TRPM3: variants seen among roughly 807,000 people sequenced by gnomAD.
TRPM3 encodes transient receptor potential cation channel subfamily M member 3.
A neutral mutation model predicts 181.2 loss-of-function variants in TRPM3; 77 were observed. That is an observed-to-expected ratio of 0.42 (90% confidence interval 0.35 to 0.51). TRPM3 has a LOEUF of 0.51. TRPM3 is among the 20% of genes least tolerant of loss of function. The pLI, the probability that TRPM3 is intolerant of heterozygous loss-of-function variation, is 0.01. For missense variants in TRPM3, 1,759 were observed against 2,196.7 expected (o/e 0.80, Z 3.98); for synonymous variants, 745 against 796.4 (o/e 0.94, Z 1.09).
chr9:71,375,526 A>C (rs780255804), intron 1 of TRPM3, among the ~76,000 whole-genome samples: 14 of 152,182 alleles, frequency 9.2e-5, no homozygotes, highest in Non-Finnish European at 1.9e-4. Context: ...TGACAAATAG[A>C]ATCTAATTAA....
At chr9:71,047,840 A>G (rs868035526) in intron 1 of TRPM3, among the ~76,000 whole-genome samples, 1 of 123,104 alleles carries the variant, frequency 8.1e-6, no homozygotes. Flanking sequence ...ACACACACAC[A>G]CACACACACA....
intron 1 of TRPM3, among the ~76,000 whole-genome samples, chr9:71,027,690 T>A (rs1244381365): frequency 6.6e-6 from 1 of 152,074 alleles, no homozygotes; most frequent in Non-Finnish European, 1.5e-5. Flanking sequence ...AGCAGCAGAA[T>A]AGACCAAGCT....
In TRPM3 at chr9:70,863,196, T is replaced by C. The variant is rs147882857; in HGVS notation, c.258-84A>G. The C allele has an allele frequency of 4.1e-4, 481 of 1,185,538 alleles. 1 individual carries two copies. In the African/African-American group the frequency reaches 6.4e-3, roughly 16 times the overall value. The allele number at this position is 1,185,538 out of a possible 1,614,324, so 73.4% of individuals were successfully genotyped here. A position where few individuals can be genotyped will look rare whatever the true frequency, so the allele number is the denominator to read the frequency against. On this transcript the variant is annotated intron_variant, in intron 2 of 25. Transcript: ENST00000677713. ...TAAGGCAACCAGCTGGAGAAATCTA[T>C]AGTCTGTGCCAACACCTGTCAGTCA...
chr9:71,047,888 T>A (rs1430235850), intron 1 of TRPM3, among the ~76,000 whole-genome samples: 1 of 151,182 alleles, frequency 6.6e-6, no homozygotes, highest in Non-Finnish European at 1.5e-5. Flanking sequence ...AAAAACGGTA[T>A]GGTAAGAGCA....
rs761581875 is a variant in TRPM3, at chr9:70,536,589, A to G, written c.4524T>C (p.Ile1508=). ...WDSEPPMYHT[I]ERSKSSRYLA... is the part of the protein sequence containing the mutation. The stretch of plus-strand genomic sequence containing the variant: ...GGTAGCGGCTACTTTTGGAACGCTC[A>G]ATGGTGTGGTACATCGGAGGCTCTG... The change falls in exon 26 of 26, where the codon ATT becomes ATC. Residue 1508 remains isoleucine, a synonymous_variant. Transcript: ENST00000677713. The G allele has an allele frequency of 3.1e-6, 5 of 1,614,006 alleles. No individual in the cohort carries two copies. In the Admixed American group the frequency reaches 5.0e-5, roughly 16 times the overall value.
chr9:71,223,663 G>C (rs1424009299), intron 1 of TRPM3, among the ~76,000 whole-genome samples: 1 of 152,192 alleles, frequency 6.6e-6, no homozygotes, highest in Non-Finnish European at 1.5e-5. Context: ...CTGGGCCAGA[G>C]GGGAGCCCAC....
chr9:71,055,923 G>A (rs1314089444), intron 1 of TRPM3, among the ~76,000 whole-genome samples: 1 of 151,892 alleles, frequency 6.6e-6, no homozygotes, highest in Admixed American at 6.6e-5. Flanking sequence ...CATATAGTCT[G>A]TATACAAATA....
intron 1 of TRPM3, among the ~76,000 whole-genome samples, chr9:71,028,152 G>A (rs1283557208): frequency 6.6e-6 from 1 of 152,122 alleles, no homozygotes; most frequent in Non-Finnish European, 1.5e-5. Flanking sequence ...GAGACTGGGG[G>A]CCTATATTAA....
At chr9:71,245,293 A>T (rs1034212459) in intron 1 of TRPM3, among the ~76,000 whole-genome samples, 6 of 152,020 alleles carry the variant, frequency 3.9e-5, no homozygotes, top group Non-Finnish European at 7.4e-5. Flanking sequence ...AAATACAAAA[A>T]ATTAGCCGGG....
intron 6 of TRPM3, chr9:70,825,196 C>T (rs2093475065): frequency 6.6e-6 from 1 of 152,146 alleles, no homozygotes; most frequent in Non-Finnish European, 1.5e-5. Context: ...ACAAGTTGGT[C>T]ACCCTACCAC....
intron 1 of TRPM3, among the ~76,000 whole-genome samples, chr9:70,981,442 G>A (rs2097362656): frequency 6.6e-6 from 1 of 152,170 alleles, no homozygotes; most frequent in South Asian, 2.1e-4. Context: ...AAAGGTGGGA[G>A]TGTCAGGCAA....
At chr9:71,412,155 A>C (rs1176596806) in intron 1 of TRPM3, among the ~76,000 whole-genome samples, 1 of 152,120 alleles carries the variant, frequency 6.6e-6, no homozygotes, top group East Asian at 1.9e-4. Flanking sequence ...CTAGAAGAAA[A>C]CCTAGGCAAT....
At chr9:71,141,856 G>T (rs964661867) in intron 1 of TRPM3, among the ~76,000 whole-genome samples, 1 of 152,018 alleles carries the variant, frequency 6.6e-6, no homozygotes, top group Non-Finnish European at 1.5e-5. Context: ...CTATGAAATG[G>T]AATTTCTTCT....
chr9:70,643,958 A>C (rs1054452712), intron 9 of TRPM3, among the ~76,000 whole-genome samples: 2 of 152,250 alleles, frequency 1.3e-5, no homozygotes, highest in Non-Finnish European at 1.5e-5. Context: ...GTATGCCAGC[A>C]TGAGGACCGA....
At chr9:71,269,490 T>C (rs989397990) in intron 1 of TRPM3, among the ~76,000 whole-genome samples, 1 of 152,224 alleles carries the variant, frequency 6.6e-6, no homozygotes. Context: ...TCATTTTAAA[T>C]GAAAGTCTGC....
intron 22 of TRPM3, among the ~76,000 whole-genome samples, chr9:70,559,824 C>G (rs1301820267): frequency 6.6e-6 from 1 of 151,996 alleles, no homozygotes; most frequent in Non-Finnish European, 1.5e-5. Flanking sequence ...GCCCAGGAAC[C>G]AAAAAGGGTC....
chr9:71,348,550 A>ATT (rs1255583741), intron 1 of TRPM3, among the ~76,000 whole-genome samples: 7,069 of 141,984 alleles, frequency 0.05, 236 homozygotes, highest in African/African-American at 0.1. Context: ...TTATTTATTT[A>ATT]TATATTTATT....
chr9:70,769,580 A>G lies in TRPM3; in HGVS notation c.1149-7856T>C, dbSNP rs186379812. ...TTTAATCATCCCACAATGTAAACATATATCAAGACATTGCAGTGTATCCCA... is the reference window on the plus strand; with the variant it reads ...TTTAATCATCCCACAATGTAAACATGTATCAAGACATTGCAGTGTATCCCA... On this transcript the variant is annotated intron_variant, in intron 7 of 25. Coordinates refer to ENST00000677713, the MANE Select transcript of TRPM3 (RefSeq NM_001366145.2). Among the ~76,000 whole-genome samples, 48 of 152,274 alleles carry G rather than the reference A, an allele frequency of 3.2e-4. No homozygotes were observed. The East Asian group carries it at 5.4e-3, about 17-fold the overall frequency.
chr9:70,686,441 A>AG (rs1307816880), intron 8 of TRPM3, among the ~76,000 whole-genome samples: 1 of 152,164 alleles, frequency 6.6e-6, no homozygotes, highest in African/African-American at 2.4e-5. Context: ...AGCTACTCTG[A>AG]GGGGAGTTCT....
Sources: gnomAD v4.1 joint callset for allele counts (sites outside exome capture counted in the v4.1 genomes callset) on GRCh38, gnomAD v4.1.1 for gene constraint, MANE v1.5 for transcripts, NCBI Gene and HGNC (gene_info 2026-07-23, HGNC 2026-07-21) for gene names.